DOCK1: variants seen among roughly 807,000 people sequenced by gnomAD.
The protein encoded by DOCK1 is dedicator of cytokinesis protein 1.
In DOCK1, 138 loss-of-function variants were observed where a neutral mutation model predicts 262.7. That is an observed-to-expected ratio of 0.53 (90% CI 0.46 to 0.61). The LOEUF is 0.61. DOCK1 is among the 20% of genes least tolerant of loss of function. The pLI, the probability that DOCK1 is intolerant of heterozygous loss-of-function variation, is 0.00. For missense variants in DOCK1, 1,908 were observed against 2,370.7 expected (o/e 0.80, Z 4.05); for synonymous variants, 866 against 867.4 (o/e 1.00, Z 0.03).
intron 27 of DOCK1, chr10:127,196,250 C>T (rs1248792880): frequency 2.0e-5 from 3 of 148,550 alleles, no homozygotes; most frequent in African/African-American, 7.3e-5. Context: ...TCGCGTCGCT[C>T]GCGTCCCTCC....
At chr10:127,318,657 G>A (rs1278242192) in intron 29 of DOCK1, among the ~76,000 whole-genome samples, 3 of 152,228 alleles carry the variant, frequency 2.0e-5, no homozygotes, top group Non-Finnish European at 4.4e-5. Context: ...GTCTCATTGT[G>A]TAAGGTGTTT....
At chr10:127,354,436 G>A (rs1263281772) in intron 31 of DOCK1, among the ~76,000 whole-genome samples, 5 of 152,308 alleles carry the variant, frequency 3.3e-5, no homozygotes, top group Non-Finnish European at 5.9e-5. Context: ...GTTCCTCCAC[G>A]TTCCCACCGG....
Position 127,051,015 on chromosome 10 carries a change from A to G in DOCK1, c.2202-1666A>G, listed in dbSNP as rs138476981. 4.0e-3 allele frequency among the ~76,000 whole-genome samples: 613 copies of G among 152,250 alleles called. 1 individual carries two copies. Among genetic ancestry groups the G allele is most frequent in the Middle Eastern group, 0.014 (4 of 286 alleles). On this transcript the variant is annotated intron_variant, in intron 21 of 51. Coordinates refer to ENST00000623213, the MANE Select transcript of DOCK1 (RefSeq NM_001290223.2). The stretch of plus-strand genomic sequence containing the variant: ...AATTAAACACTGAAAATATTTATGA[A>G]GCCATGAATTAATATTAAGCTCCTA...
Position 127,356,025 on chromosome 10 carries a change from C to T in DOCK1, c.3283+1298C>T, listed in dbSNP as rs74701697. Among the ~76,000 whole-genome samples the T allele has an allele frequency of 1.6e-3, 246 of 152,350 alleles. 1 individual carries two copies. The highest frequency in any genetic ancestry group is 5.4e-3 in the African/African-American group (223 of 41,576). On this transcript the variant is annotated intron_variant, in intron 32 of 51. Coordinates refer to ENST00000623213, the MANE Select transcript of DOCK1 (RefSeq NM_001290223.2). ...ACAAAGAGAACCTGCACCATTGCAT[C>T]CTTTCTGCGTGTCAGTCCTGGAGTC...
Position 127,106,276 on chromosome 10 carries a change from T to C in DOCK1, c.2491T>C (p.Leu831=). ...ACCAACGATCGTCAACGATGTGAAA[T>C]TGGTGTTTGATCCCAAAGAGCTCAG... The part of the protein sequence containing the change: ...YLPTIVNDVK[L]VFDPKELSKM... The change falls in exon 24 of 52, where the codon TTG becomes CTG. Residue 831 remains leucine (L), a synonymous_variant. Transcript: ENST00000623213. 2.5e-6 allele frequency: 4 copies of C among 1,597,992 alleles called. No individual in the cohort carries two copies. Among genetic ancestry groups the C allele is most frequent in the African/African-American group, 2.7e-5 (2 of 74,892 alleles).
chr10:127,138,824 G>A (rs1429831462), intron 27 of DOCK1, among the ~76,000 whole-genome samples: 2 of 152,208 alleles, frequency 1.3e-5, no homozygotes, highest in African/African-American at 4.8e-5. Flanking sequence ...ATTTCTTACA[G>A]CATTTCTCCG....
chr10:127,221,286 A>G (rs1157430400), intron 27 of DOCK1, among the ~76,000 whole-genome samples: 4 of 152,198 alleles, frequency 2.6e-5, no homozygotes, highest in African/African-American at 4.8e-5. Context: ...AAAGGAACTG[A>G]AACTGGAAAT....
intron 30 of DOCK1, among the ~76,000 whole-genome samples, chr10:127,339,646 TGTGCGCGCGC>T (rs2063340514): frequency 6.7e-6 from 1 of 149,120 alleles, no homozygotes; most frequent in Non-Finnish European, 1.5e-5. Flanking sequence ...TGTGTGTGTG[TGTGCGCGCGC>T]GCATGCATGC....
intron 2 of DOCK1, among the ~76,000 whole-genome samples, chr10:126,975,957 C>T (rs559626225): frequency 6.6e-6 from 1 of 152,238 alleles, no homozygotes; most frequent in East Asian, 1.9e-4. Context: ...CTTTTTGTGT[C>T]TCTGTATTAT....
intron 27 of DOCK1, among the ~76,000 whole-genome samples, chr10:127,233,515 G>A (rs946924698): frequency 2.6e-5 from 4 of 152,156 alleles, no homozygotes; most frequent in Non-Finnish European, 5.9e-5. Flanking sequence ...TACTTGCCAA[G>A]TGCATAACTA....
chr10:127,051,791 C>T (rs1374131948), intron 21 of DOCK1, among the ~76,000 whole-genome samples: 1 of 152,098 alleles, frequency 6.6e-6, no homozygotes, highest in Non-Finnish European at 1.5e-5. Flanking sequence ...TTTTGTTGTC[C>T]AGGCTGGTCT....
chr10:127,211,797 A>C (rs2057989515), intron 27 of DOCK1, among the ~76,000 whole-genome samples: 1 of 152,152 alleles, frequency 6.6e-6, no homozygotes, highest in African/African-American at 2.4e-5. Context: ...CTGAATCCTC[A>C]TGGGATGTGC....
chr10:127,113,057 G>A (rs1592075670), intron 25 of DOCK1, among the ~76,000 whole-genome samples: 1 of 152,158 alleles, frequency 6.6e-6, no homozygotes, highest in Non-Finnish European at 1.5e-5. Flanking sequence ...AAAATATTCT[G>A]TGCCACCTTT....
intron 38 of DOCK1, among the ~76,000 whole-genome samples, chr10:127,387,993 A>G (rs759262379): frequency 2.0e-5 from 3 of 152,186 alleles, no homozygotes; most frequent in Non-Finnish European, 4.4e-5. Context: ...TGCAGGAGGC[A>G]TTGTGGGTTC....
At chr10:127,196,644 G>A (rs1195675622) in intron 27 of DOCK1, among the ~76,000 whole-genome samples, 1 of 147,366 alleles carries the variant, frequency 6.8e-6, no homozygotes, top group Non-Finnish European at 1.5e-5. Flanking sequence ...GGGCCGGGCC[G>A]GGCCGCGTGC....
intron 25 of DOCK1, among the ~76,000 whole-genome samples, chr10:127,121,918 C>T (rs1008852388): frequency 2.0e-5 from 3 of 152,228 alleles, no homozygotes; most frequent in Admixed American, 6.5e-5. Context: ...GACACACACA[C>T]TCATACCACC....
chr10:127,134,535 G>A (rs2050532314), intron 27 of DOCK1, among the ~76,000 whole-genome samples: 1 of 152,168 alleles, frequency 6.6e-6, no homozygotes, highest in Admixed American at 6.5e-5. Context: ...CTGCTTCTTG[G>A]AAGTGAGTTG....
chr10:126,952,555 T>C (rs1349630996), intron 1 of DOCK1, among the ~76,000 whole-genome samples: 1 of 150,140 alleles, frequency 6.7e-6, no homozygotes, highest in Admixed American at 6.6e-5. Context: ...GGTGGTAGTA[T>C]TGGTGGTAGT....
chr10:127,089,776 C>T (rs1328576665), intron 23 of DOCK1, among the ~76,000 whole-genome samples: 1 of 152,174 alleles, frequency 6.6e-6, no homozygotes, highest in East Asian at 1.9e-4. Context: ...CGTGTGGACA[C>T]CGTGCCATTT....
Sources: gnomAD v4.1 joint callset for allele counts (sites outside exome capture counted in the v4.1 genomes callset) on GRCh38, gnomAD v4.1.1 for gene constraint, MANE v1.5 for transcripts, NCBI Gene and HGNC (gene_info 2026-07-23, HGNC 2026-07-21) for gene names.